Variants in PLXNA4 observed in about 807,000 individuals in gnomAD.
PLXNA4 encodes the protein plexin A4.
Under a neutral mutation model 191.8 loss-of-function variants are expected in PLXNA4, and 44 were observed. The observed-to-expected ratio is 0.23, with a 90% CI of 0.18 to 0.29. The LOEUF (loss-of-function observed/expected upper bound fraction) is 0.29, where lower values mean the gene tolerates loss of function less well. Ranked by LOEUF, PLXNA4 falls within the 10% of genes least tolerant of loss-of-function variation. The pLI, the probability that PLXNA4 is intolerant of heterozygous loss-of-function variation, is 1.00. For missense variants in PLXNA4, 1,800 were observed against 2,488.8 expected (o/e 0.72, Z 5.89); for synonymous variants, 1,082 against 1,009.5 (o/e 1.07, Z -1.36).
intron 9 of PLXNA4, among the ~76,000 whole-genome samples, chr7:132,220,813 T>TC (rs1368112865): frequency 7.3e-6 from 1 of 137,874 alleles, no homozygotes; most frequent in African/African-American, 2.9e-5. Context: ...TTTTATTCTT[T>TC]TTTTTTTTTT....
intron 3 of PLXNA4, among the ~76,000 whole-genome samples, chr7:132,349,003 T>C (rs1393424414): frequency 6.6e-6 from 1 of 152,144 alleles, no homozygotes; most frequent in Non-Finnish European, 1.5e-5. Context: ...GTGTTCCCCT[T>C]TATACGCCTC....
Position 132,278,611 on chromosome 7 carries a change from C to T in PLXNA4, c.1503+19480G>A, listed in dbSNP as rs149979730. On this transcript the variant is annotated intron_variant, in intron 4 of 31. Transcript: ENST00000321063. ...CCCGAGGCAGGGGTTCTCAGGGCAG[C>T]GAAGGCCCTGGGACAGAGACTTGCC... Among the ~76,000 whole-genome samples, 430 of 152,238 alleles carry T rather than the reference C, an allele frequency of 2.8e-3. 2 individuals carry two copies. The highest frequency in any genetic ancestry group is 8.1e-3 in the South Asian group (39 of 4,820).
At chr7:132,459,069 G>C (rs115225766) in intron 3 of PLXNA4, among the ~76,000 whole-genome samples, 358 of 152,220 alleles carry the variant, frequency 2.4e-3, no homozygotes, top group African/African-American at 8.5e-3. Context: ...ACACATCTAC[G>C]TAGACCTAGG....
At chr7:132,374,537 G>A (rs867786076) in intron 3 of PLXNA4, among the ~76,000 whole-genome samples, 10 of 152,170 alleles carry the variant, frequency 6.6e-5, no homozygotes, top group East Asian at 1.9e-4. Context: ...GTATCAGAAC[G>A]CATCCATCAG....
intron 3 of PLXNA4, among the ~76,000 whole-genome samples, chr7:132,357,821 T>C (rs1375712219): frequency 1.3e-5 from 2 of 152,194 alleles, no homozygotes; most frequent in Non-Finnish European, 2.9e-5. Context: ...TTTTTATAGA[T>C]TTGTGCGTAC....
chr7:132,550,407 C>T (rs548078956), intron 1 of PLXNA4, among the ~76,000 whole-genome samples: 37 of 152,292 alleles, frequency 2.4e-4, no homozygotes, highest in Non-Finnish European at 4.7e-4. Flanking sequence ...AGACATACAG[C>T]CTGATCTCTT....
At chr7:132,259,823 G>A (rs1799572930) in intron 4 of PLXNA4, among the ~76,000 whole-genome samples, 1 of 152,190 alleles carries the variant, frequency 6.6e-6, no homozygotes, top group East Asian at 1.9e-4. Flanking sequence ...AAGCCATGAG[G>A]AGATATGGAG....
At chr7:132,383,505 C>T (rs1296952896) in intron 3 of PLXNA4, 2 of 928,558 alleles carry the variant, frequency 2.2e-6, no homozygotes, top group South Asian at 5.0e-5. Context: ...TGATGGTTCT[C>T]TTTCCAGTTT....
rs142918759 is a variant in PLXNA4, at chr7:132,132,934, C to T, written c.5589+115G>A. ...AGCCCCAGGTCCTCAGTGGTGGTTC[C>T]CCCAGCAGAGGTGGATGTGTCTGTG... On this transcript the variant is annotated intron_variant, in intron 31 of 31. Coordinates refer to ENST00000321063, the MANE Select transcript of PLXNA4 (RefSeq NM_020911.2). 2.6e-5 allele frequency: 38 copies of T among 1,454,728 alleles called. No individual in the cohort carries two copies. The African/African-American group carries it at 2.8e-4, about 11-fold the overall frequency. The allele number at this position is 1,454,728 out of a possible 1,614,324, so 90.1% of individuals were successfully genotyped here.
chr7:132,535,835 G>A lies in PLXNA4; in HGVS notation c.-86-27056C>T, dbSNP rs959000535. 6.6e-5 allele frequency among the ~76,000 whole-genome samples: 10 copies of A among 152,268 alleles called. No homozygotes were observed. The East Asian group carries it at 9.7e-4, about 15-fold the overall frequency. ...AGAGAACTTGCCACAGGCCAGGCAC[G>A]TGGCTGAACACTTGACCCCCATCAT... On this transcript the variant is annotated intron_variant, in intron 1 of 31. Transcript: ENST00000321063.
intron 3 of PLXNA4, among the ~76,000 whole-genome samples, chr7:132,345,957 G>A (rs6467431): frequency 0.15 from 23,410 of 151,912 alleles, 2,615 homozygotes; most frequent in African/African-American, 0.32. Context: ...CATCTGCTGC[G>A]TGAGCTACAA....
chr7:132,278,625 C>CAG (rs1800365357), intron 4 of PLXNA4, among the ~76,000 whole-genome samples: 1 of 152,200 alleles, frequency 6.6e-6, no homozygotes, highest in Admixed American at 6.5e-5. Context: ...GGCCCTGGGA[C>CAG]AGAGACTTGC....
At position 132,453,791 on chromosome 7, in the gene PLXNA4, T is replaced by G. The variant is rs1796216569; in HGVS notation, c.1371+35501A>C. Among the ~76,000 whole-genome samples the G allele has an allele frequency of 2.0e-5, 3 of 152,198 alleles. No homozygotes were observed. The South Asian group carries it at 6.2e-4, about 32-fold the overall frequency. On this transcript the variant is annotated intron_variant, in intron 3 of 31. Coordinates refer to ENST00000321063, the MANE Select transcript of PLXNA4 (RefSeq NM_020911.2). Reference sequence around the variant, plus strand: ...TCCTGACTTTGTGACCTGCTCACCTTGGCCTCCCAAAGTGCTGGGATTATA... The same window carrying G: ...TCCTGACTTTGTGACCTGCTCACCTGGGCCTCCCAAAGTGCTGGGATTATA...
chr7:132,160,617 C>T (rs1255136479), intron 24 of PLXNA4, among the ~76,000 whole-genome samples: 3 of 152,002 alleles, frequency 2.0e-5, no homozygotes, highest in Non-Finnish European at 4.4e-5. Flanking sequence ...GCTGGGCATC[C>T]TAGGGGTACT....
intron 4 of PLXNA4, among the ~76,000 whole-genome samples, chr7:132,262,998 G>C (rs559973851): frequency 4.3e-4 from 66 of 152,312 alleles, no homozygotes; most frequent in Non-Finnish European, 7.6e-4. Flanking sequence ...GGGGGTTGAA[G>C]TCTCACTTCC....
chr7:132,512,699 G>A (rs1187318783), intron 1 of PLXNA4, among the ~76,000 whole-genome samples: 1 of 152,150 alleles, frequency 6.6e-6, no homozygotes, highest in Non-Finnish European at 1.5e-5. Flanking sequence ...CAGATATGCA[G>A]AGCCACCAGC....
At chr7:132,175,385 A>G (rs1796423489) in intron 20 of PLXNA4, among the ~76,000 whole-genome samples, 1 of 152,202 alleles carries the variant, frequency 6.6e-6, no homozygotes, top group Admixed American at 6.5e-5. Flanking sequence ...AAAAACTGAT[A>G]AAGGAAAACA....
chr7:132,343,436 TC>T (rs1193695086), intron 3 of PLXNA4, among the ~76,000 whole-genome samples: 1 of 152,218 alleles, frequency 6.6e-6, no homozygotes, highest in African/African-American at 2.4e-5. Flanking sequence ...CAATCACCAT[TC>T]TAGTTTCTGT....
intron 3 of PLXNA4, among the ~76,000 whole-genome samples, chr7:132,375,634 A>T (rs974220006): frequency 1.3e-5 from 2 of 152,220 alleles, no homozygotes; most frequent in African/African-American, 4.8e-5. Context: ...AGTCCAGGAA[A>T]GGGAGTGATT....
Sources: gnomAD v4.1 joint callset for allele counts (sites outside exome capture counted in the v4.1 genomes callset) on GRCh38, gnomAD v4.1.1 for gene constraint, MANE v1.5 for transcripts, NCBI Gene and HGNC (gene_info 2026-07-23, HGNC 2026-07-21) for gene names.